Variants in MARS1 observed in about 807,000 individuals in gnomAD.
MARS1 encodes methionine--tRNA ligase, cytoplasmic.
Under a neutral mutation model 119.5 loss-of-function variants are expected in MARS1, and 80 were observed. That is an observed-to-expected ratio of 0.67 (90% confidence interval 0.56 to 0.81). MARS1 has a LOEUF of 0.81. Among genes scored for constraint, MARS1 ranks in the 30% least tolerant of loss-of-function variants. MARS1 has a pLI of 0.00. For synonymous variants in MARS1, 418 were observed against 433.4 expected, an observed-to-expected ratio of 0.96 and a Z score of 0.44; for missense variants, 945 against 1,116.5, an observed-to-expected ratio of 0.85 and a Z score of 2.19.
intron 15 of MARS1, 116 bp from the exon 16 acceptor site, chr12:57,514,604 C>G: frequency 7.6e-7 from 1 of 1,323,214 alleles, no homozygotes; most frequent in South Asian, 1.2e-5. Flanking sequence ...TTACCTGTTC[C>G]AGGCAGGAAT....
chr12:57,500,111 A>G (rs576089184), intron 9 of MARS1: 1 of 589,448 alleles, frequency 1.7e-6, no homozygotes, highest in East Asian at 2.9e-5. Flanking sequence ...TGTTGAGGGG[A>G]AAGATTATGT....
intron 5 of MARS1, 48 bp from the exon 6 acceptor site, chr12:57,490,159 C>T (rs1875822526): frequency 6.3e-7 from 1 of 1,578,090 alleles, no homozygotes; most frequent in South Asian, 1.1e-5. Context: ...CCGCTCCTGC[C>T]TACCAGGTCC....
Position 57,514,982 on chromosome 12 carries a change from A to G in MARS1, c.2128A>G (p.Thr710Ala). 6.2e-7 allele frequency: 1 copy of G among 1,614,078 alleles called. No individual in the cohort carries two copies. Among genetic ancestry groups the G allele is most frequent in the Non-Finnish European group, 8.5e-7 (1 of 1,180,024 alleles). ...CCGGGATGCCTTGCGCAGTATCCTC[A>G]CCATATCTCGACATGGCAACCAATA... ...RIRDALRSIL[T>A]ISRHGNQYIQ... is the part of the protein sequence containing the mutation. The change falls in exon 17 of 21, where the codon ACC becomes GCC. Residue 710 changes from threonine (T) to alanine (A), a missense_variant. Thr to Ala is a moderately conservative substitution (Grantham distance 58). Coordinates refer to ENST00000262027, the MANE Select transcript of MARS1 (RefSeq NM_004990.4).
chr12:57,500,583 C>A, intron 10 of MARS1, 61 bp downstream of exon 10: 1 of 1,489,630 alleles, frequency 6.7e-7, no homozygotes, highest in Non-Finnish European at 9.3e-7. Flanking sequence ...AAGGGACGCC[C>A]TTCCTGTCCC....
chr12:57,507,412 T>C (rs1877237996), intron 11 of MARS1, among the ~76,000 whole-genome samples: 1 of 77,010 alleles, frequency 1.3e-5, no homozygotes. Flanking sequence ...GGCTCCTCAC[T>C]TCCCAGTAGG....
chr12:57,507,870 A>G (rs1465021730), intron 11 of MARS1, among the ~76,000 whole-genome samples: 6 of 124,714 alleles, frequency 4.8e-5, no homozygotes, highest in Non-Finnish European at 6.8e-5. Flanking sequence ...CAGACGGGGT[A>G]GCTGCCGGGC....
Position 57,516,253 on chromosome 12 carries a change from G to T in MARS1, c.2472G>T (p.Thr824=). The change falls in exon 20 of 21, where the codon ACG becomes ACT. Residue 824 remains threonine (T), a synonymous_variant. Transcript: ENST00000262027. ...RQRFGGGQAK[T]SPKPAVVETV... ...ACTTTGTTGTTCTCCAGGCAAAAAC[G>T]TCCCCGAAGCCAGCAGTTGTAGAGA... 6.2e-7 allele frequency: 1 copy of T among 1,614,136 alleles called. No individual in the cohort carries two copies. Among genetic ancestry groups the T allele is most frequent in the Non-Finnish European group, 8.5e-7 (1 of 1,180,002 alleles).
intron 7 of MARS1, among the ~76,000 whole-genome samples, chr12:57,493,346 AAT>A (rs1491022318): frequency 4.1e-5 from 4 of 97,824 alleles, no homozygotes; most frequent in Admixed American, 1.7e-4. Flanking sequence ...TATGTTATAT[AAT>A]ATATATTATA....
chr12:57,500,171 C>T (rs1876852188), intron 9 of MARS1, 150 bp from the exon 10 acceptor site: 1 of 704,976 alleles, frequency 1.4e-6, no homozygotes, highest in African/African-American at 1.7e-5. Flanking sequence ...CAGTAAAACT[C>T]TCAAAAGATG....
Position 57,500,376 on chromosome 12 carries a change from AC to A in MARS1, c.1148del (p.Thr383MetfsTer113). ...GAAACGAGGTTTTGTGCTGCAAGATACTGTGGAGCAACTGCGATGTGAGCAC... is the reference window on the plus strand; with the variant it reads ...GAAACGAGGTTTTGTGCTGCAAGATATGTGGAGCAACTGCGATGTGAGCAC... ...LLKRGFVLQD[T>X]VEQLRCEHCA... On this transcript the variant is annotated frameshift_variant, in exon 10 of 21. Transcript: ENST00000262027. LOFTEE classifies it high-confidence loss of function. 6.2e-7 allele frequency: 1 copy of A among 1,614,190 alleles called. No homozygotes were observed. Among genetic ancestry groups the A allele is most frequent in the African/African-American group, 1.3e-5 (1 of 75,042 alleles).
intron 1 of MARS1, chr12:57,488,557 C>T (rs924782280): frequency 1.3e-6 from 2 of 1,548,778 alleles, no homozygotes; most frequent in Admixed American, 3.9e-5. Context: ...CTTTTGTGTT[C>T]TTAGGAAATC....
At chr12:57,491,251 A>G (rs1363885931) in intron 7 of MARS1, among the ~76,000 whole-genome samples, 1 of 151,876 alleles carries the variant, frequency 6.6e-6, no homozygotes, top group South Asian at 2.1e-4. Flanking sequence ...TGTATTCTGA[A>G]CTCCAGACAC....
Position 57,512,096 on chromosome 12 carries a change from C to T in MARS1, c.1628C>T (p.Pro543Leu), listed in dbSNP as rs1167045151. 3.1e-6 allele frequency: 5 copies of T among 1,614,008 alleles called. No individual in the cohort carries two copies. The Admixed American group carries it at 8.3e-5, about 27-fold the overall frequency. ...CAGTGGGAGAGATGGTGGAAGAACCCAGAGCAAGTGAGCAGTTCTTGGTTA... is the reference window on the plus strand; with the variant it reads ...CAGTGGGAGAGATGGTGGAAGAACCTAGAGCAAGTGAGCAGTTCTTGGTTA... ...TDQWERWWKN[P>L]EQVDLYQFMA... Residue 543 changes from proline (P) to leucine (L), a missense_variant, in exon 13 of 21, where the codon CCA becomes CTA. Pro to Leu is a moderately conservative substitution (Grantham distance 98). Coordinates refer to ENST00000262027, the MANE Select transcript of MARS1 (RefSeq NM_004990.4).
intron 7 of MARS1, among the ~76,000 whole-genome samples, chr12:57,494,372 G>T (rs533234454): frequency 9.0e-4 from 128 of 141,978 alleles, no homozygotes; most frequent in Non-Finnish European, 1.7e-3. Context: ...CTGTCGTCCA[G>T]GCTGGAGTGC....
In MARS1 at chr12:57,498,415, T is replaced by C. The variant is rs1392427416; in HGVS notation, c.888-5T>C. 1 of 1,613,220 alleles carries C rather than the reference T, an allele frequency of 6.2e-7. No homozygotes were observed. The highest frequency in any genetic ancestry group is 8.5e-7 in the Non-Finnish European group (1 of 1,179,906). On this transcript the variant is annotated splice_polypyrimidine_tract_variant and splice_region_variant and intron_variant, in intron 8 of 20. Transcript: ENST00000262027. The stretch of plus-strand genomic sequence containing the variant: ...CCCCCTAGCGATCACCATATTCCCT[T>C]GCAGGTACTCTCGCCTCCGCCAGTG...
chr12:57,506,466 GT>G, intron 11 of MARS1, among the ~76,000 whole-genome samples: 1 of 152,152 alleles, frequency 6.6e-6, no homozygotes, highest in East Asian at 1.9e-4. Context: ...TAGTCCTCAG[GT>G]TGGGTTTGTT....
At chr12:57,488,233 G>C (rs752696126) in intron 1 of MARS1, 34 bp downstream of exon 1, 21 of 1,585,828 alleles carry the variant, frequency 1.3e-5, no homozygotes, top group African/African-American at 4.0e-5. Flanking sequence ...CGGTGGATGG[G>C]GGGGCGGGAC....
intron 7 of MARS1, among the ~76,000 whole-genome samples, chr12:57,495,229 TCCTC>T (rs1169923296): frequency 7.2e-6 from 1 of 138,942 alleles, no homozygotes; most frequent in African/African-American, 2.8e-5. Context: ...CCCCCCACCT[TCCTC>T]CCGGACGGGG....
chr12:57,502,755 C>T (rs914402144), intron 10 of MARS1, among the ~76,000 whole-genome samples: 4 of 145,316 alleles, frequency 2.8e-5, no homozygotes, highest in Admixed American at 1.4e-4. Flanking sequence ...AAGCCAGGCA[C>T]GGTGGCTCAC....
Sources: gnomAD v4.1 joint callset for allele counts (sites outside exome capture counted in the v4.1 genomes callset) on GRCh38, gnomAD v4.1.1 for gene constraint, MANE v1.5 for transcripts, NCBI Gene and HGNC (gene_info 2026-07-23, HGNC 2026-07-21) for gene names.